ZNF638: variants seen among roughly 807,000 people sequenced by gnomAD.
The protein encoded by ZNF638 is CTCL tumor antigen se33-1.
ZNF638 carries 46 observed loss-of-function variants against 195.6 expected under a neutral mutation model. That is an observed-to-expected ratio of 0.24 (90% confidence interval 0.19 to 0.30). The LOEUF (loss-of-function observed/expected upper bound fraction) is 0.30. ZNF638 is among the 10% of genes least tolerant of loss of function. The pLI is 1.00. For missense variants in ZNF638, 2,440 were observed against 2,325.3 expected, an observed-to-expected ratio of 1.05 and a Z score of -1.01; for synonymous variants, 845 against 772.0, an observed-to-expected ratio of 1.09 and a Z score of -1.57.
At chr2:71,431,124 A>G (rs529947795) in intron 25 of ZNF638, 14 of 498,936 alleles carry the variant, frequency 2.8e-5, no homozygotes, top group Middle Eastern at 5.6e-4. Context: ...CTTTAGACCT[A>G]TATTCCTAAA....
chr2:71,349,271 A>T lies in ZNF638; in HGVS notation c.317A>T (p.Asp106Val), dbSNP rs765925772. The change falls in exon 2 of 28, where the codon GAT (aspartate) becomes GTT (valine). Residue 106 changes from aspartate to valine, a missense_variant. Transcript: ENST00000264447. Reference protein sequence around the residue: ...KGKPHGSRWDDEPHISASVAV... With the variant: ...KGKPHGSRWDVEPHISASVAV... Reference sequence around the variant, plus strand: ...AAGCCTCATGGTAGCCGGTGGGATGATGAGCCTCATATATCTGCATCAGTG... The same window carrying T: ...AAGCCTCATGGTAGCCGGTGGGATGTTGAGCCTCATATATCTGCATCAGTG... 1.2e-6 allele frequency: 2 copies of T among 1,614,166 alleles called. No homozygotes were observed. Among genetic ancestry groups the T allele is most frequent in the Non-Finnish European group, 1.7e-6 (2 of 1,180,030 alleles).
Position 71,424,702 on chromosome 2 carries a change from C to T in ZNF638, c.4577C>T (p.Ser1526Phe). 6.2e-7 allele frequency: 1 copy of T among 1,613,056 alleles called. No individual in the cohort carries two copies. Among genetic ancestry groups the T allele is most frequent in the Non-Finnish European group, 8.5e-7 (1 of 1,179,504 alleles). The change falls in exon 23 of 28, where the codon TCC becomes TTC. Residue 1526 changes from serine to phenylalanine, a missense_variant. Coordinates refer to ENST00000264447, the MANE Select transcript of ZNF638 (RefSeq NM_014497.5). ...KNPKSTTGRS[S>F]KSKEEPLFPF... is the part of the protein sequence containing the mutation. ...CCTAAAAGCACTACTGGTAGAAGTT[C>T]CAAATCTAAAGAGGTAAAAAATAGA...
At position 71,344,836 on chromosome 2, in the gene ZNF638, T is replaced by C. The variant is rs191437139; in HGVS notation, c.-202-3917T>C. ...TACCTTATAAATAGAAAGCTTGAAGTATAAATAACAAGCATCCTTTTAGTT... is the reference window on the plus strand; with the variant it reads ...TACCTTATAAATAGAAAGCTTGAAGCATAAATAACAAGCATCCTTTTAGTT... On this transcript the variant is annotated intron_variant, in intron 1 of 27. Transcript: ENST00000264447. 7.2e-5 allele frequency among the ~76,000 whole-genome samples: 11 copies of C among 152,330 alleles called. No homozygotes were observed. The East Asian group carries it at 1.7e-3, about 24-fold the overall frequency.
At chr2:71,336,352 CAA>C (rs1474450803) in intron 1 of ZNF638, among the ~76,000 whole-genome samples, 4 of 101,132 alleles carry the variant, frequency 4.0e-5, no homozygotes, top group Non-Finnish European at 7.5e-5. Context: ...ACCAGGGCAA[CAA>C]GAGTGAAATT....
chr2:71,399,796 TA>T, intron 13 of ZNF638, 151 bp downstream of exon 13: 2 of 659,456 alleles, frequency 3.0e-6, no homozygotes, highest in Admixed American at 3.3e-5. Context: ...ATATTAAGCC[TA>T]GGACCCATTA....
At chr2:71,364,305 A>G in intron 5 of ZNF638, 53 bp downstream of exon 5, 1 of 1,520,158 alleles carries the variant, frequency 6.6e-7, no homozygotes, top group Non-Finnish European at 8.8e-7. Context: ...TAAATTTTTA[A>G]ATGTCTTTCT....
intron 3 of ZNF638, 32 bp downstream of exon 3, chr2:71,355,812 G>A (rs1453787446): frequency 2.2e-6 from 3 of 1,334,242 alleles, no homozygotes; most frequent in South Asian, 1.3e-5. Flanking sequence ...ATTATAGATA[G>A]CATATTTACA....
intron 4 of ZNF638, among the ~76,000 whole-genome samples, 189 bp downstream of exon 4, chr2:71,363,380 T>G (rs1411839590): frequency 6.6e-6 from 1 of 152,126 alleles, no homozygotes; most frequent in East Asian, 1.9e-4. Flanking sequence ...ATCTACTTTC[T>G]TTAGCCTGTT....
At chr2:71,404,105 A>T in intron 17 of ZNF638, 107 bp downstream of exon 17, 3 of 1,141,646 alleles carry the variant, frequency 2.6e-6, no homozygotes, top group Non-Finnish European at 3.7e-6. Context: ...TTTTTCTCAC[A>T]GACACTGAGA....
chr2:71,348,423 C>G, intron 1 of ZNF638: 1 of 996,426 alleles, frequency 1.0e-6, no homozygotes, highest in African/African-American at 1.7e-5. Flanking sequence ...TTTTTTTTCC[C>G]CAGTATTACA....
chr2:71,364,944 C>G (rs1005094161), intron 5 of ZNF638, among the ~76,000 whole-genome samples: 2 of 152,088 alleles, frequency 1.3e-5, no homozygotes, highest in Non-Finnish European at 2.9e-5. Context: ...AATTTAGGTT[C>G]TTCTTTTAAG....
chr2:71,343,870 C>G (rs908445959), intron 1 of ZNF638, among the ~76,000 whole-genome samples: 2 of 47,626 alleles, frequency 4.2e-5, no homozygotes, highest in Non-Finnish European at 1.6e-4. Flanking sequence ...GTGGCTCATG[C>G]CTGTAATCCT....
Position 71,350,024 on chromosome 2 carries a change from T to A in ZNF638, c.1070T>A (p.Ile357Asn), listed in dbSNP as rs779762036. ...QQERIPHEPV[I>N]NSSNVHVGSR... ...GAGCGGATCCCACATGAACCTGTGA[T>A]TAATTCATCTAACGTACATGTTGGA... Residue 357 changes from isoleucine to asparagine, a missense_variant, in exon 2 of 28, where the codon ATT becomes AAT. Coordinates refer to ENST00000264447, the MANE Select transcript of ZNF638 (RefSeq NM_014497.5). 7 of 1,614,092 alleles carry A rather than the reference T, an allele frequency of 4.3e-6. No individual in the cohort carries two copies. Among genetic ancestry groups the A allele is most frequent in the Non-Finnish European group, 5.9e-6 (7 of 1,180,044 alleles).
At position 71,364,132 on chromosome 2, in the gene ZNF638, T is replaced by TA; in HGVS notation, c.1598dup (p.Tyr533Ter). The change falls in exon 5 of 28, where the codon TAC (tyrosine) becomes TAAC (stop). Residue 533 changes from tyrosine to a stop codon, truncating the protein, a stop_gained and frameshift_variant. Transcript: ENST00000264447. LOFTEE classifies it high-confidence loss of function. ...AATTTGCCATCGTTTCATTTCTAGA[T>TA]ACAGATCCAGATCCAGATCCCGTTC... ...PRICHRFISRYRSRSRSRSPY... is the reference protein window; with the variant it reads ...PRICHRFISR 6.2e-7 allele frequency: 1 copy of TA among 1,614,118 alleles called. No individual in the cohort carries two copies. The highest frequency in any genetic ancestry group is 8.5e-7 in the Non-Finnish European group (1 of 1,180,012).
At position 71,396,710 on chromosome 2, in the gene ZNF638, C is replaced by T. The variant is rs146430486; in HGVS notation, c.2428+519C>T. On this transcript the variant is annotated intron_variant, in intron 11 of 27. Transcript: ENST00000264447. ...CTATAATCCCATCACTTTGGGAGACCGAAGAGGGTGGATCACCTGAAGTCA... is the reference window on the plus strand; with the variant it reads ...CTATAATCCCATCACTTTGGGAGACTGAAGAGGGTGGATCACCTGAAGTCA... Among the ~76,000 whole-genome samples the T allele has an allele frequency of 2.4e-3, 367 of 152,132 alleles. 1 individual carries two copies. Among genetic ancestry groups the T allele is most frequent in the African/African-American group, 8.4e-3 (348 of 41,496 alleles).
In ZNF638 at chr2:71,331,791, A is replaced by G. The variant is rs965176834; in HGVS notation, c.-287A>G. 1.4e-4 allele frequency: 140 copies of G among 986,044 alleles called. No homozygotes were observed. The highest frequency in any genetic ancestry group is 1.2e-4 in the Non-Finnish European group (98 of 830,112). 61.1% of individuals were successfully genotyped at this position (986,044 alleles called of 1,614,324 possible). ...ATGCGTGCAGCTCTTTGGAGGCGGT[A>G]GCGTTTTCGGCGTCGAGACTGGAGG... On this transcript the variant is annotated 5_prime_UTR_variant, in exon 1 of 28. Coordinates refer to ENST00000264447, the MANE Select transcript of ZNF638 (RefSeq NM_014497.5).
chr2:71,409,768 C>T (rs904611773), intron 20 of ZNF638, among the ~76,000 whole-genome samples: 1 of 152,084 alleles, frequency 6.6e-6, no homozygotes, highest in African/African-American at 2.4e-5. Flanking sequence ...ATTCTTGTGA[C>T]TCTTTTCTAA....
chr2:71,332,023 G>A (rs2078578691), intron 1 of ZNF638, 148 bp downstream of exon 1: 2 of 747,204 alleles, frequency 2.7e-6, no homozygotes, highest in African/African-American at 1.9e-5. Flanking sequence ...AGACGGCGGG[G>A]GCGGGAGGAG....
intron 10 of ZNF638, among the ~76,000 whole-genome samples, chr2:71,381,375 G>A (rs533230231): frequency 2.6e-4 from 39 of 152,152 alleles, no homozygotes; most frequent in African/African-American, 8.2e-4. Flanking sequence ...TCATTTCCCC[G>A]TAATGTTTAG....
Sources: gnomAD v4.1 joint callset for allele counts (sites outside exome capture counted in the v4.1 genomes callset) on GRCh38, gnomAD v4.1.1 for gene constraint, MANE v1.5 for transcripts, NCBI Gene and HGNC (gene_info 2026-07-23, HGNC 2026-07-21) for gene names.